The following AMPD3 variants were observed in gnomAD, a reference collection of about 807,000 sequenced individuals.
AMPD3 encodes adenosine monophosphate deaminase 3, also known as AMP deaminase 3.
In AMPD3, 57 loss-of-function variants were observed where a neutral mutation model predicts 82.3. The ratio of observed to expected loss-of-function variants is 0.69; its 90% confidence interval spans 0.56 to 0.86. AMPD3 has a LOEUF of 0.86. Among genes scored for constraint, AMPD3 ranks in the 40% least tolerant of loss-of-function variants. AMPD3 has a pLI of 0.00. For missense variants in AMPD3, 870 were observed against 1,003.8 expected (o/e 0.87, Z 1.80); for synonymous variants, 381 against 394.7 (o/e 0.97, Z 0.41).
At chr11:10,475,321 A>T (rs1478303146) in intron 2 of AMPD3, among the ~76,000 whole-genome samples, 1 of 152,026 alleles carries the variant, frequency 6.6e-6, no homozygotes, top group Admixed American at 6.5e-5. Flanking sequence ...ATCCACCCCC[A>T]TGATCCAATC....
At chr11:10,500,459 A>G in intron 11 of AMPD3, 1 of 564,622 alleles carries the variant, frequency 1.8e-6, no homozygotes, top group Non-Finnish European at 2.2e-6. Flanking sequence ...ACATGCAAAC[A>G]TGCCCACCAT....
chr11:10,467,519 G>A (rs1848455573), intron 2 of AMPD3, among the ~76,000 whole-genome samples: 2 of 152,306 alleles, frequency 1.3e-5, no homozygotes, highest in African/African-American at 4.8e-5. Flanking sequence ...GGGACTATGT[G>A]CAAAGACCAA....
chr11:10,504,903 C>G (rs2133950248), intron 14 of AMPD3, among the ~76,000 whole-genome samples: 1 of 152,336 alleles, frequency 6.6e-6, no homozygotes, highest in East Asian at 1.9e-4. Context: ...TAGCCACACA[C>G]TTGCTATTAT....
At chr11:10,484,247 G>T in intron 4 of AMPD3, 2 of 985,354 alleles carry the variant, frequency 2.0e-6, no homozygotes, top group Non-Finnish European at 2.4e-6. Flanking sequence ...ACCTATAGTG[G>T]TTGGGGGCAG....
Position 10,502,771 on chromosome 11 carries a change from G to A in AMPD3, c.1893G>A (p.Met631Ile). ...LYYLAQIPIA[M>I]SPLSNNSLFL... is the part of the protein sequence containing the mutation. ...ACCTTGCTCAGATCCCCATTGCCAT[G>A]TCTCCTCTTAGCAACAACAGTTTGT... is the stretch of plus-strand genomic sequence containing the variant. The change falls in exon 13 of 15, where the codon ATG becomes ATA. Residue 631 changes from methionine (M) to isoleucine (I), a missense_variant. Transcript: ENST00000396553. 2 of 1,614,196 alleles carry A rather than the reference G, an allele frequency of 1.2e-6. No individual in the cohort carries two copies. Among genetic ancestry groups the A allele is most frequent in the South Asian group, 1.1e-5 (1 of 91,088 alleles).
chr11:10,489,346 C>T (rs1037547034), intron 6 of AMPD3, among the ~76,000 whole-genome samples: 19 of 152,222 alleles, frequency 1.2e-4, no homozygotes, highest in Admixed American at 1.3e-4. Flanking sequence ...TTCCTGCTGC[C>T]TGGGGCCAAG....
At position 10,460,933 on chromosome 11, in the gene AMPD3, G is replaced by T. The variant is rs184675076; in HGVS notation, c.-5-582G>T. The T allele has an allele frequency of 2.3e-5, 23 of 985,342 alleles. No individual in the cohort carries two copies. In the Admixed American group the frequency reaches 3.1e-4, roughly 13 times the overall value. 61.0% of individuals were successfully genotyped at this position (985,342 alleles called of 1,614,324 possible). A position where few individuals can be genotyped will look rare whatever the true frequency, so the allele number is the denominator to read the frequency against. ...GTGTTCTAAAACCTTTATTTTATTTGCTGTGTCTTGTTAGGAGGTTCCAGA... is the reference window on the plus strand; with the variant it reads ...GTGTTCTAAAACCTTTATTTTATTTTCTGTGTCTTGTTAGGAGGTTCCAGA... On this transcript the variant is annotated intron_variant, in intron 1 of 14. Coordinates refer to ENST00000396553, the MANE Select transcript of AMPD3 (RefSeq NM_001025389.2).
intron 9 of AMPD3, chr11:10,496,543 A>G (rs1849406058): frequency 1.0e-6 from 1 of 985,324 alleles, no homozygotes; most frequent in South Asian, 4.7e-5. Flanking sequence ...GGTCAGCCAG[A>G]ATGCCACCAT....
At position 10,502,760 on chromosome 11, in the gene AMPD3, C is replaced by T. The variant is rs780845864; in HGVS notation, c.1882C>T (p.Pro628Ser). The T allele has an allele frequency of 3.7e-6, 6 of 1,614,214 alleles. No individual in the cohort carries two copies. The Admixed American group carries it at 5.0e-5, about 13-fold the overall frequency. ...LQYLYYLAQI[P>S]IAMSPLSNNS... The stretch of plus-strand genomic sequence containing the variant: ...GTATCTCTACTACCTTGCTCAGATC[C>T]CCATTGCCATGTCTCCTCTTAGCAA... Residue 628 changes from proline (P) to serine (S), a missense_variant, in exon 13 of 15, where the codon CCC (proline) becomes TCC (serine). Pro to Ser is a moderately conservative substitution (Grantham distance 74). Transcript: ENST00000396553.
At chr11:10,455,074 G>A (rs146105172), upstream of AMPD3, 592 of 848,554 alleles carry the variant, frequency 7.0e-4, 5 homozygotes, top group African/African-American at 9.5e-3. Context: ...TTGGACATGC[G>A]GAGGTGACTC....
intron 2 of AMPD3, among the ~76,000 whole-genome samples, chr11:10,476,282 T>C (rs1848733087): frequency 6.6e-6 from 1 of 152,176 alleles, no homozygotes; most frequent in Non-Finnish European, 1.5e-5. Flanking sequence ...CAGATGCTCA[T>C]ATGTGACAAT....
intron 13 of AMPD3, chr11:10,504,286 A>G (rs1849657102): frequency 2.1e-6 from 2 of 931,134 alleles, no homozygotes; most frequent in Non-Finnish European, 2.6e-6. Flanking sequence ...ATCCCTGATG[A>G]CTGGCACAGG....
chr11:10,487,402 G>A, intron 6 of AMPD3, 38 bp downstream of exon 6: 2 of 1,612,292 alleles, frequency 1.2e-6, no homozygotes, highest in Non-Finnish European at 1.7e-6. Context: ...GCCTCACCCG[G>A]TCCCCCTCCC....
chr11:10,484,783 CA>C (rs748318038), intron 4 of AMPD3, 36 bp from the exon 5 acceptor site: 170 of 1,608,026 alleles, frequency 1.1e-4, no homozygotes, highest in Non-Finnish European at 1.3e-4. Context: ...CTCACAAGGT[CA>C]GGGGCACTTT....
chr11:10,452,201 C>T (rs1180448638), upstream of AMPD3, among the ~76,000 whole-genome samples: 1 of 151,726 alleles, frequency 6.6e-6, no homozygotes, highest in Non-Finnish European at 1.5e-5. Flanking sequence ...TTTGCCTCTA[C>T]ACTGACTGGA....
chr11:10,468,110 T>C (rs1848474446), intron 2 of AMPD3, among the ~76,000 whole-genome samples: 1 of 152,140 alleles, frequency 6.6e-6, no homozygotes, highest in South Asian at 2.1e-4. Flanking sequence ...CTGCATCAAC[T>C]AATGGGCAAA....
intron 2 of AMPD3, among the ~76,000 whole-genome samples, chr11:10,471,003 A>C (rs1848573963): frequency 6.6e-6 from 1 of 152,242 alleles, no homozygotes; most frequent in South Asian, 2.1e-4. Flanking sequence ...CTGTATAGCC[A>C]AGACAATTCT....
intron 6 of AMPD3, 51 bp downstream of exon 6, chr11:10,487,415 C>G (rs1197315672): frequency 6.2e-7 from 1 of 1,610,254 alleles, no homozygotes. Context: ...CCCCTCCCAG[C>G]CCATGGGATG....
chr11:10,455,263 C>T (rs1284195303), upstream of AMPD3: 1 of 985,456 alleles, frequency 1.0e-6, no homozygotes, highest in Non-Finnish European at 1.2e-6. Context: ...TGAGCCTTCC[C>T]ACTCTCCTAA....
Sources: allele counts gnomAD v4.1 joint callset (sites outside exome capture counted in the v4.1 genomes callset), GRCh38; gene constraint gnomAD v4.1.1; transcripts MANE v1.5; gene names NCBI Gene and HGNC (gene_info 2026-07-23, HGNC 2026-07-21).